The following AK8 variants were observed in gnomAD, a reference collection of about 807,000 sequenced individuals.
AK8 encodes adenylate kinase 8, also known as ATP-AMP transphosphorylase 8.
A neutral mutation model predicts 54.6 loss-of-function variants in AK8; 44 were observed. The ratio of observed to expected loss-of-function variants is 0.81; its 90% CI spans 0.63 to 1.04. AK8 has a LOEUF of 1.04. Ranked by LOEUF, AK8 falls within the 50% of genes least tolerant of loss-of-function variation. The pLI is 0.00. For synonymous variants in AK8, 239 were observed against 245.6 expected, an observed-to-expected ratio of 0.97 and a Z score of 0.25; for missense variants, 555 against 613.6, an observed-to-expected ratio of 0.90 and a Z score of 1.01.
chr9:132,745,588 T>C (rs1837612368), intron 11 of AK8, among the ~76,000 whole-genome samples: 1 of 152,154 alleles, frequency 6.6e-6, no homozygotes. Context: ...CTATGTTCTC[T>C]TCGGGACACT....
chr9:132,764,947 G>A (rs760971240), intron 11 of AK8, among the ~76,000 whole-genome samples: 36 of 152,152 alleles, frequency 2.4e-4, no homozygotes, highest in Non-Finnish European at 4.0e-4. Context: ...GGACACAGAA[G>A]CAAAAATCCT....
At chr9:132,783,912 G>A (rs1050096046) in intron 11 of AK8, among the ~76,000 whole-genome samples, 1 of 152,182 alleles carries the variant, frequency 6.6e-6, no homozygotes, top group Admixed American at 6.5e-5. Context: ...AAAAGAGTAA[G>A]GTAAAAGCCA....
chr9:132,812,005 C>CCA (rs1841037813), intron 10 of AK8, among the ~76,000 whole-genome samples: 1 of 152,158 alleles, frequency 6.6e-6, no homozygotes, highest in Non-Finnish European at 1.5e-5. Flanking sequence ...TGTTTCTGAA[C>CCA]CACTATCTGG....
intron 4 of AK8, among the ~76,000 whole-genome samples, chr9:132,856,538 C>G (rs951915971): frequency 1.3e-5 from 2 of 151,962 alleles, no homozygotes; most frequent in Admixed American, 1.3e-4. Context: ...GGTCTGGGTG[C>G]GCTCAAGTCC....
rs939800369 is a variant in AK8, at chr9:132,838,545, T to C, written c.403-9819A>G. 2.6e-5 allele frequency among the ~76,000 whole-genome samples: 4 copies of C among 152,342 alleles called. No homozygotes were observed. In the East Asian group the frequency reaches 5.8e-4, roughly 22 times the overall value. On this transcript the variant is annotated intron_variant, in intron 5 of 12. Coordinates refer to ENST00000298545, the MANE Select transcript of AK8 (RefSeq NM_152572.3). ...CGGACATGGTCAAGGTTCAGAATGGTCCAGGTGTTGCATCTGATGATGGCA... is the reference window on the plus strand; with the variant it reads ...CGGACATGGTCAAGGTTCAGAATGGCCCAGGTGTTGCATCTGATGATGGCA...
At chr9:132,795,786 T>C (rs553415748) in intron 10 of AK8, among the ~76,000 whole-genome samples, 58 of 152,104 alleles carry the variant, frequency 3.8e-4, no homozygotes, top group African/African-American at 1.2e-3. Flanking sequence ...ATGGGTACTG[T>C]GAAGAAAATC....
chr9:132,756,784 C>T (rs1400668047), intron 11 of AK8, among the ~76,000 whole-genome samples: 1 of 152,098 alleles, frequency 6.6e-6, no homozygotes, highest in Non-Finnish European at 1.5e-5. Flanking sequence ...CATCATCCCC[C>T]CTTTAGAGAC....
intron 11 of AK8, among the ~76,000 whole-genome samples, chr9:132,754,406 C>A (rs1255249175): frequency 1.3e-5 from 2 of 152,158 alleles, no homozygotes; most frequent in African/African-American, 4.8e-5. Context: ...GAGGTGTGGG[C>A]ACCCAGCGTG....
intron 4 of AK8, among the ~76,000 whole-genome samples, chr9:132,859,627 A>G (rs1466074674): frequency 9.0e-6 from 1 of 111,180 alleles, no homozygotes; most frequent in Non-Finnish European, 1.9e-5. Flanking sequence ...CTCCTCCCCT[A>G]CCCTGTCCCC....
upstream of AK8, chr9:132,878,389 G>C: frequency 8.0e-7 from 1 of 1,245,328 alleles, no homozygotes; most frequent in Non-Finnish European, 1.0e-6. This position sits in a 1 kb window ranked among gnomAD's most constrained non-coding sequence, Gnocchi z 4.7. Context: ...TCGGTCGCGC[G>C]GGTCGCCCCC....
At chr9:132,789,580 G>C (rs1318806512) in intron 11 of AK8, among the ~76,000 whole-genome samples, 2 of 106,130 alleles carry the variant, frequency 1.9e-5, no homozygotes, top group African/African-American at 7.3e-5. Context: ...CTGGGCGACA[G>C]AGTGATACTC....
At chr9:132,812,513 A>ATGGGTGAGCCGCCGCGCC (rs1841067689) in intron 10 of AK8, among the ~76,000 whole-genome samples, 1 of 142,398 alleles carries the variant, frequency 7.0e-6, no homozygotes, top group Admixed American at 6.9e-5. Context: ...TGCTGGGATG[A>ATGGGTGAGCCGCCGCGCC]CAGGGGTGAG....
intron 11 of AK8, among the ~76,000 whole-genome samples, chr9:132,765,209 C>T (rs930959871): frequency 6.8e-5 from 10 of 147,088 alleles, no homozygotes; most frequent in African/African-American, 2.5e-4. Flanking sequence ...GGGAGAGTTG[C>T]TTGAGCCCAG....
At chr9:132,796,762 A>C (rs1329639325) in intron 10 of AK8, among the ~76,000 whole-genome samples, 1 of 148,100 alleles carries the variant, frequency 6.8e-6, no homozygotes, top group Non-Finnish European at 1.5e-5. Flanking sequence ...ATACACATAC[A>C]TACATGCTAC....
intron 4 of AK8, chr9:132,861,347 G>A (rs1843381118): frequency 6.6e-6 from 1 of 152,188 alleles, no homozygotes; most frequent in Non-Finnish European, 1.5e-5. Context: ...CTTAGTAGGT[G>A]CTCAGGACTA....
Position 132,878,151 on chromosome 9 carries a change from C to T in AK8, c.84+21G>A, listed in dbSNP as rs1300839088. On this transcript the variant is annotated intron_variant, in intron 1 of 12. Transcript: ENST00000298545. The surrounding 1 kb of genome is among the most constrained non-coding windows in gnomAD (Gnocchi z 4.7). ...TCCCGAGCCGCCGCCAGCGTCGCGA[C>T]GGGCAGGGGTGTCCGGTCACCTGCA... 2 of 1,527,804 alleles carry T rather than the reference C, an allele frequency of 1.3e-6. No individual in the cohort carries two copies. The highest frequency in any genetic ancestry group is 4.7e-5 in the East Asian group (2 of 42,570). 94.6% of individuals were successfully genotyped at this position (1,527,804 alleles called of 1,614,324 possible). A position where few individuals can be genotyped will look rare whatever the true frequency, so the allele number is the denominator to read the frequency against.
At position 132,837,882 on chromosome 9, in the gene AK8, T is replaced by A. The variant is rs1048106595; in HGVS notation, c.403-9156A>T. ...CCTCGCCGTGATGCGGGCCATACGT[T>A]TCCTGAGTGGAACTCAGACCTCCAC... On this transcript the variant is annotated intron_variant, in intron 5 of 12. Coordinates refer to ENST00000298545, the MANE Select transcript of AK8 (RefSeq NM_152572.3). The surrounding 1 kb of genome is among the most constrained non-coding windows in gnomAD (Gnocchi z 4.3). Among the ~76,000 whole-genome samples, 1 of 152,182 alleles carries A rather than the reference T, an allele frequency of 6.6e-6. No individual in the cohort carries two copies. The highest frequency in any genetic ancestry group is 2.1e-4 in the South Asian group (1 of 4,824).
chr9:132,840,640 C>A (rs778769867), intron 5 of AK8, among the ~76,000 whole-genome samples: 37 of 152,174 alleles, frequency 2.4e-4, no homozygotes, highest in Admixed American at 7.9e-4. Context: ...TGCCTGTAAT[C>A]CCAGGAATCT....
At chr9:132,849,364 A>T (rs1306977847) in intron 5 of AK8, among the ~76,000 whole-genome samples, 4 of 152,250 alleles carry the variant, frequency 2.6e-5, no homozygotes, top group African/African-American at 9.6e-5. Context: ...TCTAGAGCAC[A>T]GCCGTGCCCT....
Sources: gnomAD v4.1 joint callset for allele counts (sites outside exome capture counted in the v4.1 genomes callset) on GRCh38, gnomAD v4.1.1 for gene constraint, Gnocchi (gnomAD v3.1) non-coding constraint, MANE v1.5 for transcripts, NCBI Gene and HGNC (gene_info 2026-07-23, HGNC 2026-07-21) for gene names.